The following ABTB3 variants were observed in gnomAD, a reference collection of about 807,000 sequenced individuals.
ABTB3 encodes the protein ankyrin repeat- and BTB/POZ domain-containing protein 3.
chr12:107,582,383 G>T, the ABTB3 span, among the ~76,000 whole-genome samples: 2 of 152,156 alleles, frequency 1.3e-5, no homozygotes, highest in Admixed American at 6.5e-5. Flanking sequence ...AAAGTCACTG[G>T]AGTAGTAAAT....
chr12:107,330,498 A>T, the ABTB3 span, among the ~76,000 whole-genome samples: 1 of 152,244 alleles, frequency 6.6e-6, no homozygotes, highest in Non-Finnish European at 1.5e-5. Flanking sequence ...GAGGGACTTC[A>T]AATTTGACCT....
chr12:107,558,928 T>A, the ABTB3 span, among the ~76,000 whole-genome samples: 1 of 139,652 alleles, frequency 7.2e-6, no homozygotes, highest in Admixed American at 7.3e-5. Context: ...AGAGCCTGCG[T>A]CCTCTTGCCC....
At chr12:107,339,738 C>T in the ABTB3 span, among the ~76,000 whole-genome samples, 1 of 151,760 alleles carries the variant, frequency 6.6e-6, no homozygotes, top group African/African-American at 2.4e-5. Context: ...ATCAACTCAG[C>T]AGAATTATCA....
At chr12:107,339,198 T>C in the ABTB3 span, among the ~76,000 whole-genome samples, 1 of 152,182 alleles carries the variant, frequency 6.6e-6, no homozygotes, top group Admixed American at 6.5e-5. Context: ...TTTCCCATAG[T>C]GGGCCTTTCT....
chr12:107,318,659 G>A, the ABTB3 span: 1 of 430,066 alleles, frequency 2.3e-6, no homozygotes, highest in Non-Finnish European at 4.1e-6. Flanking sequence ...TGGAAGAAAG[G>A]GGCAAGCCCC....
the ABTB3 span, among the ~76,000 whole-genome samples, chr12:107,399,255 A>G: frequency 6.6e-6 from 1 of 152,186 alleles, no homozygotes; most frequent in African/African-American, 2.4e-5. Flanking sequence ...ACATTCTCCA[A>G]GAGTGATTCT....
chr12:107,494,171 G>A, the ABTB3 span, among the ~76,000 whole-genome samples: 1 of 152,198 alleles, frequency 6.6e-6, no homozygotes. Flanking sequence ...GGCTCATGGA[G>A]AGTGAAGAAT....
At chr12:107,587,797 G>A in the ABTB3 span, among the ~76,000 whole-genome samples, 1 of 152,166 alleles carries the variant, frequency 6.6e-6, no homozygotes, top group Admixed American at 6.5e-5. Flanking sequence ...GCCTCTGGAA[G>A]GATAGATAAG....
At chr12:107,373,975 CGGTGGAACTGTT>C in the ABTB3 span, among the ~76,000 whole-genome samples, 3 of 152,178 alleles carry the variant, frequency 2.0e-5, no homozygotes, top group Admixed American at 6.5e-5. Flanking sequence ...GAGGACTTTC[CGGTGGAACTGTT>C]AGTGTGTGTC....
chr12:107,445,057 C>A, the ABTB3 span, among the ~76,000 whole-genome samples: 1 of 152,220 alleles, frequency 6.6e-6, no homozygotes, highest in African/African-American at 2.4e-5. Flanking sequence ...GGCTCTCCCC[C>A]CAGCCTGGGG....
the ABTB3 span, among the ~76,000 whole-genome samples, chr12:107,363,270 A>G: frequency 6.6e-6 from 1 of 152,242 alleles, no homozygotes; most frequent in Non-Finnish European, 1.5e-5. Context: ...ATTATGATGG[A>G]CTGCACACAA....
the ABTB3 span, among the ~76,000 whole-genome samples, chr12:107,628,131 G>C: frequency 9.3e-4 from 142 of 152,244 alleles, no homozygotes; most frequent in African/African-American, 2.5e-3. Flanking sequence ...CTGTAGAGGT[G>C]GGTCTTTTTT....
the ABTB3 span, among the ~76,000 whole-genome samples, chr12:107,607,406 C>T: frequency 5.3e-5 from 8 of 152,182 alleles, no homozygotes; most frequent in African/African-American, 1.9e-4. Flanking sequence ...AGCTCTCCCC[C>T]ACTGCCGGGG....
the ABTB3 span, among the ~76,000 whole-genome samples, chr12:107,537,587 C>T: frequency 3.8e-4 from 58 of 152,282 alleles, no homozygotes; most frequent in Admixed American, 1.1e-3. Flanking sequence ...TCCCCCTTGG[C>T]TTTTCCTCCA....
At chr12:107,371,324 C>T in the ABTB3 span, among the ~76,000 whole-genome samples, 1 of 152,170 alleles carries the variant, frequency 6.6e-6, no homozygotes, top group South Asian at 2.1e-4. Context: ...CTCACACTGT[C>T]TGTCTAGTCC....
chr12:107,596,171 C>T, the ABTB3 span, among the ~76,000 whole-genome samples: 1 of 152,354 alleles, frequency 6.6e-6, no homozygotes, highest in Admixed American at 6.5e-5. Flanking sequence ...TAATGTTCAT[C>T]TGTAATACCA....
At chr12:107,418,519 C>T in the ABTB3 span, among the ~76,000 whole-genome samples, 9 of 152,228 alleles carry the variant, frequency 5.9e-5, no homozygotes, top group Admixed American at 1.3e-4. Flanking sequence ...CCAGCCCACC[C>T]GGCCTAGCCA....
the ABTB3 span, among the ~76,000 whole-genome samples, chr12:107,338,261 C>T: frequency 6.6e-6 from 1 of 152,212 alleles, no homozygotes; most frequent in Non-Finnish European, 1.5e-5. Flanking sequence ...TCAGGCTATA[C>T]TGACTGTAAT....
At chr12:107,615,218 A>G in the ABTB3 span, 2 of 1,356,538 alleles carry the variant, frequency 1.5e-6, no homozygotes, top group South Asian at 2.4e-5. Context: ...CTTCCATAAC[A>G]CACATCTATA....
Sources: allele counts gnomAD v4.1 joint callset (sites outside exome capture counted in the v4.1 genomes callset), GRCh38; gene constraint gnomAD v4.1.1; transcripts MANE v1.5; gene names NCBI Gene and HGNC (gene_info 2026-07-23, HGNC 2026-07-21).